HOMER1: variants seen among roughly 807,000 people sequenced by gnomAD.
HOMER1 encodes homer protein homolog 1.
In HOMER1, 3 loss-of-function variants were observed where a neutral mutation model predicts 48.9. The ratio of observed to expected loss-of-function variants is 0.06; its 90% CI spans 0.03 to 0.16. The LOEUF (loss-of-function observed/expected upper bound fraction) is 0.16. HOMER1 is among the 10% of genes least tolerant of loss of function. The pLI is 1.00. For missense variants in HOMER1, 247 were observed against 411.4 expected (o/e 0.60, Z 3.46); for synonymous variants, 134 against 146.4 (o/e 0.92, Z 0.61).
At chr5:79,378,984 T>C (rs975071496) in intron 8 of HOMER1, among the ~76,000 whole-genome samples, 1 of 146,594 alleles carries the variant, frequency 6.8e-6, no homozygotes, top group Non-Finnish European at 1.5e-5. Context: ...AAAGAGAATA[T>C]GTTCCTAGAG....
chr5:79,450,307 C>T (rs1394544164), intron 3 of HOMER1, among the ~76,000 whole-genome samples: 1 of 152,002 alleles, frequency 6.6e-6, no homozygotes, highest in Non-Finnish European at 1.5e-5. Flanking sequence ...ATTGTTTTTT[C>T]TTATATATTC....
intron 8 of HOMER1, among the ~76,000 whole-genome samples, chr5:79,382,834 A>G (rs1749016678): frequency 6.6e-6 from 1 of 152,252 alleles, no homozygotes; most frequent in Non-Finnish European, 1.5e-5. Flanking sequence ...AACAAAGAAC[A>G]AAACAACCAG....
chr5:79,451,164 A>C, intron 2 of HOMER1, 43 bp from the exon 3 acceptor site: 1 of 1,601,190 alleles, frequency 6.2e-7, no homozygotes, highest in South Asian at 1.1e-5. Context: ...AAAAATCAGC[A>C]AACAGGCATT....
chr5:79,414,530 C>A (rs910995015), intron 5 of HOMER1, among the ~76,000 whole-genome samples: 4 of 151,972 alleles, frequency 2.6e-5, no homozygotes, highest in African/African-American at 9.7e-5. Flanking sequence ...GAGGTACATA[C>A]CACCACACTT....
At chr5:79,509,991 A>C (rs543667167) in intron 1 of HOMER1, among the ~76,000 whole-genome samples, 1 of 152,350 alleles carries the variant, frequency 6.6e-6, no homozygotes, top group Admixed American at 6.5e-5. Context: ...AAAGCCATTT[A>C]AAGCCCTGTT....
chr5:79,403,072 A>T (rs1749574013), intron 5 of HOMER1, among the ~76,000 whole-genome samples: 1 of 152,184 alleles, frequency 6.6e-6, no homozygotes, highest in Non-Finnish European at 1.5e-5. Context: ...ACAATTTTCT[A>T]CTACAAGACA....
At chr5:79,400,519 T>C (rs1225265285) in intron 6 of HOMER1, among the ~76,000 whole-genome samples, 4 of 151,290 alleles carry the variant, frequency 2.6e-5, no homozygotes, top group South Asian at 2.1e-4. Context: ...ATCACACCCA[T>C]CTAATTTTTG....
At chr5:79,418,934 T>C (rs529598628) in intron 5 of HOMER1, among the ~76,000 whole-genome samples, 5 of 152,350 alleles carry the variant, frequency 3.3e-5, no homozygotes, top group South Asian at 4.1e-4. Flanking sequence ...GTTTAGAATA[T>C]GCTGTAATCA....
chr5:79,508,692 A>G (rs1561392686), intron 1 of HOMER1, among the ~76,000 whole-genome samples: 1 of 151,698 alleles, frequency 6.6e-6, no homozygotes, highest in Admixed American at 6.6e-5. Flanking sequence ...AACAACTATC[A>G]CCTCCTCTAC....
At chr5:79,483,196 G>A (rs1751995565) in intron 1 of HOMER1, among the ~76,000 whole-genome samples, 1 of 152,118 alleles carries the variant, frequency 6.6e-6, no homozygotes, top group Admixed American at 6.5e-5. Context: ...CTTGGGTTAT[G>A]GAGCATATTA....
At chr5:79,509,283 C>T (rs189614427) in intron 1 of HOMER1, among the ~76,000 whole-genome samples, 1 of 152,122 alleles carries the variant, frequency 6.6e-6, no homozygotes, top group African/African-American at 2.4e-5. Context: ...GCAGGGAGAG[C>T]CCCATTTTAT....
intron 4 of HOMER1, among the ~76,000 whole-genome samples, chr5:79,439,563 G>C (rs953097353): frequency 5.9e-5 from 9 of 152,122 alleles, no homozygotes; most frequent in Admixed American, 1.3e-4. Flanking sequence ...GTAGATAATG[G>C]AAGGGGTACA....
At chr5:79,403,049 T>C (rs114126364) in intron 5 of HOMER1, among the ~76,000 whole-genome samples, 522 of 152,290 alleles carry the variant, frequency 3.4e-3, no homozygotes, top group Admixed American at 5.9e-3. Flanking sequence ...TACAGTTAAG[T>C]ACCTCAACTA....
intron 4 of HOMER1, among the ~76,000 whole-genome samples, chr5:79,439,900 T>TA (rs1304092529): frequency 6.6e-6 from 1 of 152,180 alleles, no homozygotes. Flanking sequence ...AGCTGACACT[T>TA]ATGTCTGCCA....
intron 5 of HOMER1, among the ~76,000 whole-genome samples, chr5:79,428,571 T>G (rs573590116): frequency 4.5e-4 from 69 of 152,238 alleles, no homozygotes; most frequent in Admixed American, 3.9e-4. Flanking sequence ...TGATTAAGAC[T>G]AATAAATGAG....
chr5:79,387,542 T>C (rs935679163), intron 8 of HOMER1, among the ~76,000 whole-genome samples: 9 of 152,336 alleles, frequency 5.9e-5, no homozygotes, highest in Admixed American at 4.6e-4. Context: ...TATAAGACTG[T>C]TACCTTCTAT....
At chr5:79,405,552 T>C (rs949825269) in intron 5 of HOMER1, among the ~76,000 whole-genome samples, 5 of 152,216 alleles carry the variant, frequency 3.3e-5, no homozygotes, top group African/African-American at 9.6e-5. Context: ...CTATGAATTT[T>C]TGTCCAATTT....
At chr5:79,472,064 AT>A (rs1181016555) in intron 1 of HOMER1, among the ~76,000 whole-genome samples, 7 of 152,168 alleles carry the variant, frequency 4.6e-5, no homozygotes, top group African/African-American at 1.7e-4. Context: ...TTTCTTATAT[AT>A]TGTCCTTTTC....
At chr5:79,421,286 G>C (rs1045180733) in intron 5 of HOMER1, among the ~76,000 whole-genome samples, 2 of 152,144 alleles carry the variant, frequency 1.3e-5, no homozygotes, top group African/African-American at 4.8e-5. Context: ...ATTCAAATCC[G>C]AAAACTTGTA....
Sources: allele counts gnomAD v4.1 joint callset (sites outside exome capture counted in the v4.1 genomes callset), GRCh38; gene constraint gnomAD v4.1.1; transcripts MANE v1.5; gene names NCBI Gene and HGNC (gene_info 2026-07-23, HGNC 2026-07-21).